ADAMTS18: variants seen among roughly 807,000 people sequenced by gnomAD.
ADAMTS18 encodes the protein ADAM metallopeptidase with thrombospondin type 1 motif 18.
Under a neutral mutation model 165.9 loss-of-function variants are expected in ADAMTS18, and 157 were observed. That is an observed-to-expected ratio of 0.95 (90% CI 0.83 to 1.08). The LOEUF is 1.08. Among genes scored for constraint, ADAMTS18 ranks in the 50% least tolerant of loss-of-function variants. ADAMTS18 has a pLI of 0.00. For synonymous variants in ADAMTS18, 782 were observed against 578.2 expected, an observed-to-expected ratio of 1.35 and a Z score of -5.06; for missense variants, 2,040 against 1,534.0, an observed-to-expected ratio of 1.33 and a Z score of -5.51.
At chr16:77,299,501 T>C (rs2055539516) in intron 17 of ADAMTS18, among the ~76,000 whole-genome samples, 1 of 152,194 alleles carries the variant, frequency 6.6e-6, no homozygotes, top group South Asian at 2.1e-4. Context: ...TAAGCCTTAT[T>C]ATGCTTAGTG....
chr16:77,409,045 T>C (rs1269989742), intron 3 of ADAMTS18, among the ~76,000 whole-genome samples: 2 of 152,142 alleles, frequency 1.3e-5, no homozygotes, highest in Admixed American at 1.3e-4. Context: ...TATGTGTATA[T>C]ATATACACAC....
At chr16:77,418,477 G>T (rs1222861547) in intron 3 of ADAMTS18, among the ~76,000 whole-genome samples, 1 of 152,126 alleles carries the variant, frequency 6.6e-6, no homozygotes, top group Non-Finnish European at 1.5e-5. Context: ...GGCCTGGAAT[G>T]CTGCTAAACC....
intron 3 of ADAMTS18, among the ~76,000 whole-genome samples, chr16:77,393,191 T>C (rs2057212670): frequency 1.3e-5 from 2 of 152,174 alleles, no homozygotes; most frequent in African/African-American, 2.4e-5. Flanking sequence ...TTCAATGTCA[T>C]GGAGTGGCCA....
Position 77,297,433 on chromosome 16 carries a change from G to A in ADAMTS18, c.2675-18C>T, listed in dbSNP as rs764047359. The A allele has an allele frequency of 1.9e-6, 3 of 1,606,762 alleles. No homozygotes were observed. Among genetic ancestry groups the A allele is most frequent in the Non-Finnish European group, 1.7e-6 (2 of 1,173,432 alleles). ...TATGTAACCTGGTAAGACATCAGAA[G>A]TGACAAAGTGAAAATTACAGATTAT... On this transcript the variant is annotated intron_variant, in intron 17 of 22. Transcript: ENST00000282849.
At chr16:77,375,519 C>A (rs554645689) in intron 3 of ADAMTS18, among the ~76,000 whole-genome samples, 5 of 152,208 alleles carry the variant, frequency 3.3e-5, no homozygotes, top group Admixed American at 3.3e-4. Flanking sequence ...CTTGTGAGAC[C>A]GGAAGTCCTC....
intron 3 of ADAMTS18, 59 bp from the exon 4 acceptor site, chr16:77,367,782 T>G: frequency 1.2e-6 from 2 of 1,610,566 alleles, no homozygotes; most frequent in South Asian, 2.2e-5. Context: ...TGCCAAGGGT[T>G]GGTTTTCAAC....
Position 77,297,879 on chromosome 16 carries a change from T to C in ADAMTS18, c.2675-464A>G, listed in dbSNP as rs147753543. Among the ~76,000 whole-genome samples the C allele has an allele frequency of 6.3e-3, 937 of 149,442 alleles. 10 individuals are homozygous for C. Among genetic ancestry groups the C allele is most frequent in the Non-Finnish European group, 9.9e-3 (666 of 67,402 alleles). On this transcript the variant is annotated intron_variant, in intron 17 of 22. Coordinates refer to ENST00000282849, the MANE Select transcript of ADAMTS18 (RefSeq NM_199355.4). ...AAAGCAAAGAGTAGAACTCACTAAA[T>C]ATGTATTAAAACCTATCAGCCAGGG...
Position 77,402,371 on chromosome 16 carries a change from G to A in ADAMTS18, c.495+28924C>T, listed in dbSNP as rs551742872. Among the ~76,000 whole-genome samples the A allele has an allele frequency of 5.3e-5, 8 of 152,228 alleles. No homozygotes were observed. The East Asian group carries it at 1.4e-3, about 26-fold the overall frequency. On this transcript the variant is annotated intron_variant, in intron 3 of 22. Coordinates refer to ENST00000282849, the MANE Select transcript of ADAMTS18 (RefSeq NM_199355.4). ...TGTCCTCTTCTGGAAGCAGGCCTAGGGGCCAGCAATGTCTGTTATCCCGAT... is the reference window on the plus strand; with the variant it reads ...TGTCCTCTTCTGGAAGCAGGCCTAGAGGCCAGCAATGTCTGTTATCCCGAT...
intron 3 of ADAMTS18, among the ~76,000 whole-genome samples, chr16:77,405,442 CA>C (rs1426873912): frequency 6.6e-6 from 1 of 152,146 alleles, no homozygotes; most frequent in African/African-American, 2.4e-5. Flanking sequence ...AGTCAAGTTT[CA>C]ACTCAATTTG....
intron 13 of ADAMTS18, among the ~76,000 whole-genome samples, chr16:77,323,291 G>A (rs1290219609): frequency 6.6e-6 from 1 of 152,084 alleles, no homozygotes; most frequent in Admixed American, 6.6e-5. Context: ...TTTTACAAAC[G>A]TGTAAACAGT....
chr16:77,325,175 C>G (rs59718928), intron 13 of ADAMTS18, among the ~76,000 whole-genome samples: 40,715 of 151,930 alleles, frequency 0.27, 6,281 homozygotes, highest in East Asian at 0.61. Context: ...AACCCTGTTT[C>G]AAGACAGCGT....
In ADAMTS18 at chr16:77,322,382, G is replaced by A. The variant is rs766757353; in HGVS notation, c.2117C>T (p.Pro706Leu). 6 of 1,613,928 alleles carry A rather than the reference G, an allele frequency of 3.7e-6. 1 individual carries two copies. The African/African-American group carries it at 4.0e-5, about 11-fold the overall frequency. Reference protein sequence around the residue: ...AMSGKVKDGTPCSPNKNDVCI... With the variant: ...AMSGKVKDGTLCSPNKNDVCI... The stretch of plus-strand genomic sequence containing the variant: ...AACATCATTTTTGTTTGGGGAGCAG[G>A]GAGTTCCATCTTTCACTTTGCCGGA... The change falls in exon 14 of 23, where the codon CCC (proline) becomes CTC (leucine). Residue 706 changes from proline to leucine, a missense_variant. By Grantham distance (98) the Pro-to-Leu change is moderately conservative. Transcript: ENST00000282849.
intron 16 of ADAMTS18, among the ~76,000 whole-genome samples, chr16:77,307,555 T>C (rs2144608757): frequency 6.6e-6 from 1 of 152,282 alleles, no homozygotes; most frequent in South Asian, 2.1e-4. Context: ...CTCTAACCCG[T>C]CACAAAAGTA....
intron 3 of ADAMTS18, among the ~76,000 whole-genome samples, chr16:77,418,708 A>G (rs1482980534): frequency 1.3e-5 from 2 of 152,220 alleles, no homozygotes; most frequent in African/African-American, 4.8e-5. Context: ...CTGTCTTACA[A>G]GTCATTGACA....
chr16:77,404,604 A>T (rs1479483741), intron 3 of ADAMTS18, among the ~76,000 whole-genome samples: 1 of 152,204 alleles, frequency 6.6e-6, no homozygotes. Context: ...GGAGTAGTTA[A>T]CAGTGCTGGA....
At chr16:77,295,700 T>C (rs1448579384) in intron 18 of ADAMTS18, among the ~76,000 whole-genome samples, 2 of 152,184 alleles carry the variant, frequency 1.3e-5, no homozygotes, top group Non-Finnish European at 1.5e-5. Context: ...AAGTGGGTAC[T>C]TCCCCAAATT....
At chr16:77,371,236 C>T (rs1275642786) in intron 3 of ADAMTS18, among the ~76,000 whole-genome samples, 1 of 151,506 alleles carries the variant, frequency 6.6e-6, no homozygotes, top group Non-Finnish European at 1.5e-5. Flanking sequence ...AAAACAAAAA[C>T]AAAAACAAAA....
chr16:77,353,886 G>A lies in ADAMTS18; in HGVS notation c.1461C>T (p.Ser487=), dbSNP rs1451891780. The A allele has an allele frequency of 1.9e-6, 3 of 1,613,976 alleles. No individual in the cohort carries two copies. Among genetic ancestry groups the A allele is most frequent in the Admixed American group, 1.7e-5 (1 of 59,992 alleles). The change falls in exon 10 of 23, where the codon AGC becomes AGT. Residue 487 remains serine (S), a splice_region_variant and synonymous_variant. Coordinates refer to ENST00000282849, the MANE Select transcript of ADAMTS18 (RefSeq NM_199355.4). ...CSRQYLKKFL[S]TPQAGCLVDE... is the part of the protein sequence containing the mutation. ...CCACTAGACACCCCGCCTGAGGTGT[G>A]CTGTAATGACAATACATGCTTATTA...
chr16:77,378,700 G>C (rs772137357), intron 3 of ADAMTS18, among the ~76,000 whole-genome samples: 27 of 152,056 alleles, frequency 1.8e-4, no homozygotes, highest in Non-Finnish European at 3.4e-4. Flanking sequence ...GGGTGACAGA[G>C]TGAAACTGTG....
Sources: allele counts gnomAD v4.1 joint callset (sites outside exome capture counted in the v4.1 genomes callset), GRCh38; gene constraint gnomAD v4.1.1; transcripts MANE v1.5; gene names NCBI Gene and HGNC (gene_info 2026-07-23, HGNC 2026-07-21).